The following PKIA variants were observed in gnomAD, a reference collection of about 807,000 sequenced individuals.
PKIA encodes the protein cAMP-dependent protein kinase inhibitor alpha.
Under a neutral mutation model 7.6 loss-of-function variants are expected in PKIA, and 4 were observed. The ratio of observed to expected loss-of-function variants is 0.52; its 90% CI spans 0.26 to 1.20. PKIA has a LOEUF of 1.20. Ranked by LOEUF, PKIA falls within the 50% of genes most tolerant of loss-of-function variation. The pLI is 0.13. For synonymous variants in PKIA, 21 were observed against 30.7 expected, an observed-to-expected ratio of 0.68 and a Z score of 1.04; for missense variants, 73 against 86.2, an observed-to-expected ratio of 0.85 and a Z score of 0.61.
intron 1 of PKIA, among the ~76,000 whole-genome samples, chr8:78,517,805 G>A (rs998434505): frequency 6.6e-6 from 1 of 152,174 alleles, no homozygotes; most frequent in Non-Finnish European, 1.5e-5. Context: ...GATTGCAAAC[G>A]TGCCACTTCA....
chr8:78,545,926 A>G (rs1011245241), intron 1 of PKIA, among the ~76,000 whole-genome samples: 2 of 152,156 alleles, frequency 1.3e-5, no homozygotes, highest in Non-Finnish European at 1.5e-5. Context: ...GATATTTTCA[A>G]TGTCCAAACT....
At chr8:78,530,037 T>C (rs1806355156) in intron 1 of PKIA, among the ~76,000 whole-genome samples, 1 of 152,052 alleles carries the variant, frequency 6.6e-6, no homozygotes. Context: ...AAATCTAGGC[T>C]GGCCTTGAAA....
intron 2 of PKIA, among the ~76,000 whole-genome samples, chr8:78,594,724 G>A (rs1447474446): frequency 6.6e-6 from 1 of 152,104 alleles, no homozygotes; most frequent in Non-Finnish European, 1.5e-5. Context: ...AATGAGCAGT[G>A]GGTAATGGCA....
intron 1 of PKIA, among the ~76,000 whole-genome samples, chr8:78,551,118 A>C (rs1348476663): frequency 6.7e-6 from 1 of 148,766 alleles, no homozygotes; most frequent in Admixed American, 6.7e-5. Flanking sequence ...CTGAATTTTA[A>C]AGATTTCAGA....
At chr8:78,581,412 A>G (rs770373644) in intron 2 of PKIA, among the ~76,000 whole-genome samples, 48 of 152,252 alleles carry the variant, frequency 3.2e-4, no homozygotes, top group Middle Eastern at 6.8e-3. Flanking sequence ...TTGCCACAAA[A>G]TGTATTAATG....
intron 1 of PKIA, among the ~76,000 whole-genome samples, chr8:78,518,677 CTT>C (rs914798853): frequency 5.8e-4 from 88 of 152,204 alleles, no homozygotes; most frequent in Middle Eastern, 3.4e-3. Context: ...AAACTAAACT[CTT>C]TGGCAAGAAA....
chr8:78,530,046 A>C (rs1341268382), intron 1 of PKIA, among the ~76,000 whole-genome samples: 1 of 152,050 alleles, frequency 6.6e-6, no homozygotes, highest in Admixed American at 6.6e-5. Flanking sequence ...CTGGCCTTGA[A>C]AATATTAAAT....
intron 1 of PKIA, among the ~76,000 whole-genome samples, chr8:78,565,712 G>A (rs1807395594): frequency 1.3e-5 from 2 of 151,718 alleles, no homozygotes; most frequent in South Asian, 2.1e-4. Context: ...TATGAGGATT[G>A]CCAGTATAAT....
At chr8:78,530,092 A>G (rs1329965300) in intron 1 of PKIA, among the ~76,000 whole-genome samples, 1 of 152,038 alleles carries the variant, frequency 6.6e-6, no homozygotes, top group African/African-American at 2.4e-5. Flanking sequence ...TCATCCTAAA[A>G]TTATGATAAT....
intron 1 of PKIA, among the ~76,000 whole-genome samples, chr8:78,543,713 G>T (rs1806753207): frequency 6.6e-6 from 1 of 152,132 alleles, no homozygotes; most frequent in African/African-American, 2.4e-5. Flanking sequence ...TCACCTACCT[G>T]GAGATTGTTT....
chr8:78,581,804 C>A (rs1024759899), intron 2 of PKIA, among the ~76,000 whole-genome samples: 2 of 152,012 alleles, frequency 1.3e-5, no homozygotes, highest in Non-Finnish European at 2.9e-5. Flanking sequence ...ATTGACAAAA[C>A]TTGAAGAAGT....
chr8:78,538,440 G>A (rs1389324190), intron 1 of PKIA, among the ~76,000 whole-genome samples: 4 of 152,008 alleles, frequency 2.6e-5, no homozygotes, highest in Non-Finnish European at 5.9e-5. Context: ...CTACATCAAA[G>A]TTTCAAGACT....
Position 78,603,051 on chromosome 8 carries a change from A to G in PKIA, c.*1230A>G, listed in dbSNP as rs1808389909. On this transcript the variant is annotated 3_prime_UTR_variant, in exon 4 of 4. Transcript: ENST00000396418. ...TGAATTGCATTCTGATACAATAATG[A>G]TTATCATTAGAAGCTAACAAAATTC... The G allele has an allele frequency of 6.6e-6, 1 of 152,366 alleles. No homozygotes were observed. The highest frequency in any genetic ancestry group is 2.4e-5 in the African/African-American group (1 of 41,380). The allele number at this position is 152,366 out of a possible 1,614,324, so 9.4% of individuals were successfully genotyped here.
rs541299714 is a variant in PKIA, at chr8:78,559,450, T to C, written c.-156-13361T>C. Among the ~76,000 whole-genome samples the C allele has an allele frequency of 2.6e-4, 39 of 152,294 alleles. 1 individual carries two copies. Among genetic ancestry groups the C allele is most frequent in the Non-Finnish European group, 4.1e-4 (28 of 68,022 alleles). On this transcript the variant is annotated intron_variant, in intron 1 of 3. Transcript: ENST00000396418. Reference sequence around the variant, plus strand: ...GCATGCATTGCTTGCTTAAGAACTGTGGACCCTGATAACCTAAAAAGTGTG... The same window carrying C: ...GCATGCATTGCTTGCTTAAGAACTGCGGACCCTGATAACCTAAAAAGTGTG...
At chr8:78,561,244 T>G (rs1013237883) in intron 1 of PKIA, among the ~76,000 whole-genome samples, 8 of 152,160 alleles carry the variant, frequency 5.3e-5, no homozygotes, top group African/African-American at 1.9e-4. Context: ...TAACTACATA[T>G]AGGTGCCACT....
At chr8:78,523,998 A>G (rs573575561) in intron 1 of PKIA, among the ~76,000 whole-genome samples, 3,177 of 106,562 alleles carry the variant, frequency 0.03, 162 homozygotes, top group South Asian at 0.078. Flanking sequence ...ATATATAAAC[A>G]TTTATATATA....
intron 1 of PKIA, among the ~76,000 whole-genome samples, chr8:78,538,817 A>G (rs191499627): frequency 1.5e-3 from 227 of 152,222 alleles, no homozygotes; most frequent in African/African-American, 4.8e-3. Flanking sequence ...TATGTGGCTT[A>G]GTATTGAATA....
chr8:78,529,548 T>C (rs1338008526), intron 1 of PKIA, among the ~76,000 whole-genome samples: 1 of 152,066 alleles, frequency 6.6e-6, no homozygotes, highest in Non-Finnish European at 1.5e-5. Flanking sequence ...AATTTGTGCA[T>C]GCTTAAATAT....
intron 1 of PKIA, among the ~76,000 whole-genome samples, chr8:78,547,878 T>TA (rs36102288): frequency 0.12 from 18,070 of 152,102 alleles, 1,213 homozygotes; most frequent in Middle Eastern, 0.2. Flanking sequence ...AAGCTCATCT[T>TA]AGTTTTCTTA....
Sources: gnomAD v4.1 joint callset for allele counts (sites outside exome capture counted in the v4.1 genomes callset) on GRCh38, gnomAD v4.1.1 for gene constraint, MANE v1.5 for transcripts, NCBI Gene and HGNC (gene_info 2026-07-23, HGNC 2026-07-21) for gene names.